TMTC1: variants seen among roughly 807,000 people sequenced by gnomAD.
TMTC1 encodes the protein protein O-mannosyl-transferase TMTC1.
Under a neutral mutation model 104.8 loss-of-function variants are expected in TMTC1, and 73 were observed. That is an observed-to-expected ratio of 0.70 (90% CI 0.58 to 0.85). TMTC1 has a LOEUF of 0.85. Ranked by LOEUF, TMTC1 falls within the 40% of genes least tolerant of loss-of-function variation. The pLI, the probability that TMTC1 is intolerant of heterozygous loss-of-function variation, is 0.00. For synonymous variants in TMTC1, 434 were observed against 428.7 expected, an observed-to-expected ratio of 1.01 and a Z score of -0.15; for missense variants, 1,035 against 1,096.1, an observed-to-expected ratio of 0.94 and a Z score of 0.79.
chr12:29,552,713 A>C (rs1945138562), intron 10 of TMTC1, among the ~76,000 whole-genome samples: 1 of 152,224 alleles, frequency 6.6e-6, no homozygotes, highest in Admixed American at 6.5e-5. Flanking sequence ...ATCAAATATA[A>C]ACTGTTCACA....
intron 5 of TMTC1, among the ~76,000 whole-genome samples, chr12:29,750,933 T>C (rs1055033992): frequency 6.6e-6 from 1 of 152,226 alleles, no homozygotes; most frequent in Admixed American, 6.5e-5. Context: ...GTTTGCCCTA[T>C]AAAAGCTTCC....
At chr12:29,708,851 T>C (rs909098375) in intron 5 of TMTC1, among the ~76,000 whole-genome samples, 3 of 152,208 alleles carry the variant, frequency 2.0e-5, no homozygotes, top group Admixed American at 2.0e-4. Flanking sequence ...GCAGTTGAAA[T>C]GAGCATCTAA....
intron 6 of TMTC1, among the ~76,000 whole-genome samples, chr12:29,619,538 A>G (rs1187962532): frequency 6.6e-6 from 1 of 152,238 alleles, no homozygotes; most frequent in African/African-American, 2.4e-5. Context: ...CGTTGTTCCA[A>G]CCCCTGATAC....
At chr12:29,774,230 C>A (rs1451563548) in intron 1 of TMTC1, among the ~76,000 whole-genome samples, 1 of 152,080 alleles carries the variant, frequency 6.6e-6, no homozygotes, top group Non-Finnish European at 1.5e-5. Flanking sequence ...ATTCTCCGAT[C>A]CCATCCCAAG....
chr12:29,722,439 T>C (rs182908943), intron 5 of TMTC1, among the ~76,000 whole-genome samples: 101 of 152,318 alleles, frequency 6.6e-4, no homozygotes, highest in Admixed American at 5.9e-3. Context: ...ATATAATCTC[T>C]TAAAGACCAG....
chr12:29,526,529 T>TTA, intron 11 of TMTC1, among the ~76,000 whole-genome samples: 1 of 152,168 alleles, frequency 6.6e-6, no homozygotes, highest in Non-Finnish European at 1.5e-5. Context: ...CTTGCTTGGG[T>TTA]TAGAAGTTTT....
intron 7 of TMTC1, among the ~76,000 whole-genome samples, chr12:29,598,049 T>C (rs1946460474): frequency 6.6e-6 from 1 of 152,232 alleles, no homozygotes. Context: ...GCCAACATTC[T>C]GGTTTTACAA....
chr12:29,605,401 C>T (rs213539), intron 6 of TMTC1, among the ~76,000 whole-genome samples: 75,767 of 151,354 alleles, frequency 0.5, 20,817 homozygotes, highest in African/African-American at 0.73. Flanking sequence ...TAGGGTAATA[C>T]AATTTCTGAG....
chr12:29,565,989 T>TC lies in TMTC1; in HGVS notation c.1532+6115_1532+6116insG, dbSNP rs1281149681. Reference sequence around the variant, plus strand: ...ACAAAGATTTCTGCTTTCATGCAGTTTACTGGGTAGAGGAGGGACACACAA... The same window carrying TC: ...ACAAAGATTTCTGCTTTCATGCAGTTCTACTGGGTAGAGGAGGGACACACAA... On this transcript the variant is annotated intron_variant, in intron 9 of 17. Coordinates refer to ENST00000539277, the MANE Select transcript of TMTC1 (RefSeq NM_001193451.2). 2.0e-5 allele frequency among the ~76,000 whole-genome samples: 3 copies of TC among 152,346 alleles called. No individual in the cohort carries two copies. In the East Asian group the frequency reaches 5.8e-4, roughly 29 times the overall value.
chr12:29,783,068 C>T lies in TMTC1; in HGVS notation c.302+382G>A, dbSNP rs977321415. ...AATTCTCTACTTGGAAGCATCGCCA[C>T]CACCGCCACCCCTCCGGAACCCTCT... On this transcript the variant is annotated intron_variant, in intron 1 of 17. Transcript: ENST00000539277. The surrounding 1 kb of genome is among the most constrained non-coding windows in gnomAD (Gnocchi z 4.7). 2.3e-4 allele frequency: 48 copies of T among 212,226 alleles called. No homozygotes were observed. The Admixed American group carries it at 2.8e-3, about 13-fold the overall frequency. 13.1% of individuals were successfully genotyped at this position (212,226 alleles called of 1,614,324 possible).
intron 17 of TMTC1, among the ~76,000 whole-genome samples, chr12:29,510,915 C>G (rs947390935): frequency 6.6e-6 from 1 of 152,126 alleles, no homozygotes; most frequent in Non-Finnish European, 1.5e-5. Context: ...CTGACCCTAG[C>G]TTCTCCCATT....
intron 5 of TMTC1, among the ~76,000 whole-genome samples, chr12:29,726,999 G>T (rs1334583470): frequency 1.3e-5 from 2 of 152,148 alleles, no homozygotes; most frequent in African/African-American, 2.4e-5. Context: ...CACAGCAGGG[G>T]TATAACTCTG....
chr12:29,760,078 C>A (rs979990453), intron 2 of TMTC1, among the ~76,000 whole-genome samples: 2 of 152,064 alleles, frequency 1.3e-5, no homozygotes, highest in South Asian at 2.1e-4. Context: ...GTTACAGTTG[C>A]CTACAGTATT....
chr12:29,599,901 C>CATGTGTATATAT (rs1287932691), intron 7 of TMTC1, among the ~76,000 whole-genome samples: 33 of 138,978 alleles, frequency 2.4e-4, no homozygotes, highest in African/African-American at 6.8e-4. Context: ...TGTATATATA[C>CATGTGTATATAT]ATGTGTATAT....
At chr12:29,621,509 T>A (rs75280866) in intron 6 of TMTC1, among the ~76,000 whole-genome samples, 7,432 of 152,234 alleles carry the variant, frequency 0.049, 633 homozygotes, top group African/African-American at 0.17. Flanking sequence ...GTTCTTTTTT[T>A]AAAAAAAGTT....
At chr12:29,724,175 G>A (rs78343091) in intron 5 of TMTC1, among the ~76,000 whole-genome samples, 1,979 of 152,240 alleles carry the variant, frequency 0.013, 46 homozygotes, top group African/African-American at 0.044. Context: ...TTAGTAATTA[G>A]GGAAAAACAA....
chr12:29,635,333 C>T (rs968603377), intron 5 of TMTC1, among the ~76,000 whole-genome samples: 1 of 152,168 alleles, frequency 6.6e-6, no homozygotes, highest in Non-Finnish European at 1.5e-5. Flanking sequence ...ATCTACCTTT[C>T]AGCCCACTAA....
chr12:29,716,874 G>A (rs1164511021), intron 5 of TMTC1, among the ~76,000 whole-genome samples: 1 of 152,156 alleles, frequency 6.6e-6, no homozygotes, highest in East Asian at 1.9e-4. Flanking sequence ...ACTTAGCCGG[G>A]TGTGGTGGCG....
chr12:29,513,418 T>C (rs1943896113), intron 16 of TMTC1, among the ~76,000 whole-genome samples: 1 of 152,074 alleles, frequency 6.6e-6, no homozygotes, highest in Non-Finnish European at 1.5e-5. Flanking sequence ...ATGACGATAT[T>C]GAAAATGTTG....
Sources: allele counts gnomAD v4.1 joint callset (sites outside exome capture counted in the v4.1 genomes callset), GRCh38; gene constraint gnomAD v4.1.1; non-coding constraint Gnocchi (gnomAD v3.1); transcripts MANE v1.5; gene names NCBI Gene and HGNC (gene_info 2026-07-23, HGNC 2026-07-21).